DLG2: variants seen among roughly 807,000 people sequenced by gnomAD.
DLG2 encodes discs large MAGUK scaffold protein 2, also known as disks large homolog 2.
In DLG2, 45 loss-of-function variants were observed where a neutral mutation model predicts 132.5. The ratio of observed to expected loss-of-function variants is 0.34; its 90% CI spans 0.27 to 0.44. The LOEUF (loss-of-function observed/expected upper bound fraction) is 0.44. DLG2 is among the 20% of genes least tolerant of loss of function. The pLI is 1.00. For synonymous variants in DLG2, 424 were observed against 419.6 expected (o/e 1.01, Z -0.13); for missense variants, 1,045 against 1,196.9 (o/e 0.87, Z 1.87).
intron 4 of DLG2, among the ~76,000 whole-genome samples, chr11:85,181,720 C>A (rs532254475): frequency 6.6e-6 from 1 of 151,868 alleles, no homozygotes; most frequent in South Asian, 2.1e-4. Flanking sequence ...CCACTTTCTA[C>A]ATGAAAGGAG....
intron 6 of DLG2, among the ~76,000 whole-genome samples, chr11:85,010,423 T>C (rs1239465082): frequency 1.3e-5 from 2 of 152,118 alleles, no homozygotes; most frequent in African/African-American, 2.4e-5. Context: ...TCCTGAAAGA[T>C]GTTCTCAGAG....
intron 6 of DLG2, among the ~76,000 whole-genome samples, chr11:84,736,906 G>A (rs575317322): frequency 6.6e-6 from 1 of 152,034 alleles, no homozygotes; most frequent in South Asian, 2.1e-4. Context: ...TTGCACAAAA[G>A]TAGTGAAAGT....
At chr11:83,964,561 G>A (rs764896612) in intron 13 of DLG2, among the ~76,000 whole-genome samples, 5 of 151,982 alleles carry the variant, frequency 3.3e-5, no homozygotes, top group Non-Finnish European at 7.4e-5. Context: ...TTCAGAATGA[G>A]CAAGCTTACT....
chr11:85,302,819 A>G (rs886747173), intron 3 of DLG2, among the ~76,000 whole-genome samples: 1 of 151,882 alleles, frequency 6.6e-6, no homozygotes, highest in African/African-American at 2.4e-5. Context: ...AACAATAACA[A>G]GAACAATCAT....
chr11:84,412,048 G>T (rs1042255871), intron 7 of DLG2, among the ~76,000 whole-genome samples: 2 of 150,822 alleles, frequency 1.3e-5, no homozygotes, highest in Admixed American at 1.3e-4. Context: ...GCGAACCCAA[G>T]CTCCTACATC....
chr11:84,059,217 T>C, intron 11 of DLG2, 98 bp downstream of exon 11: 1 of 1,197,880 alleles, frequency 8.3e-7, no homozygotes, highest in Admixed American at 2.1e-5. Flanking sequence ...AAGCACTGAA[T>C]GTCAGAGGTT....
chr11:85,603,136 C>T (rs2080285828), intron 2 of DLG2, among the ~76,000 whole-genome samples: 1 of 152,170 alleles, frequency 6.6e-6, no homozygotes, highest in Admixed American at 6.5e-5. Flanking sequence ...TAAATGTGTG[C>T]TAATATATTT....
Position 84,334,901 on chromosome 11 carries a change from T to C in DLG2, c.520-83610A>G, listed in dbSNP as rs187587469. Reference sequence around the variant, plus strand: ...CTGAGAAAGCTGATGTCTATGAAAGTAAAATCTATTCCACTCTAGATCAAC... The same window carrying C: ...CTGAGAAAGCTGATGTCTATGAAAGCAAAATCTATTCCACTCTAGATCAAC... On this transcript the variant is annotated intron_variant, in intron 7 of 27. Transcript: ENST00000376104. Among the ~76,000 whole-genome samples the C allele has an allele frequency of 2.0e-3, 301 of 152,202 alleles. 2 individuals are homozygous for C. The highest frequency in any genetic ancestry group is 6.9e-3 in the African/African-American group (286 of 41,522).
intron 6 of DLG2, among the ~76,000 whole-genome samples, chr11:84,675,981 G>C (rs951214644): frequency 6.6e-6 from 1 of 151,936 alleles, no homozygotes; most frequent in African/African-American, 2.4e-5. Context: ...TCTCTATCCA[G>C]ATAGAGTAAT....
At chr11:84,105,840 C>A (rs914095552) in intron 9 of DLG2, among the ~76,000 whole-genome samples, 1 of 152,116 alleles carries the variant, frequency 6.6e-6, no homozygotes, top group African/African-American at 2.4e-5. Flanking sequence ...CTATCTGTTC[C>A]TTTTGCTACT....
chr11:84,527,481 A>G (rs770043540), intron 7 of DLG2, among the ~76,000 whole-genome samples: 59 of 152,288 alleles, frequency 3.9e-4, no homozygotes, highest in Admixed American at 9.2e-4. Context: ...ATACTCAACA[A>G]GTGCCCAGTT....
At position 84,476,454 on chromosome 11, in the gene DLG2, A is replaced by C. The variant is rs1222412286; in HGVS notation, c.519+58116T>G. On this transcript the variant is annotated intron_variant, in intron 7 of 27. Transcript: ENST00000376104. ...AACAAAATCCAAGCTCAGAAAAATT[A>C]GAGATTAAGAAATCCAAGCTCAGAA... 2.0e-5 allele frequency among the ~76,000 whole-genome samples: 3 copies of C among 152,182 alleles called. No homozygotes were observed. In the East Asian group the frequency reaches 5.8e-4, roughly 29 times the overall value.
chr11:84,026,837 T>C (rs1180787930), intron 11 of DLG2, among the ~76,000 whole-genome samples: 1 of 152,092 alleles, frequency 6.6e-6, no homozygotes, highest in Non-Finnish European at 1.5e-5. Flanking sequence ...TTGGGAAAAT[T>C]GTTAAATCTT....
intron 6 of DLG2, among the ~76,000 whole-genome samples, chr11:85,012,741 C>T (rs903506583): frequency 6.6e-6 from 1 of 152,030 alleles, no homozygotes; most frequent in Admixed American, 6.6e-5. Flanking sequence ...TAATATAGGA[C>T]TCCATTTACT....
chr11:84,731,176 T>G (rs1368154909), intron 6 of DLG2, among the ~76,000 whole-genome samples: 1 of 152,140 alleles, frequency 6.6e-6, no homozygotes, highest in Non-Finnish European at 1.5e-5. Flanking sequence ...GCATTGTATT[T>G]GCTTTAGTTA....
chr11:85,268,350 G>A (rs929619435), intron 4 of DLG2, among the ~76,000 whole-genome samples: 1 of 152,150 alleles, frequency 6.6e-6, no homozygotes, highest in Admixed American at 6.5e-5. Flanking sequence ...TGACCTGGAA[G>A]TCCCCTCCCC....
intron 21 of DLG2, chr11:83,486,094 T>A (rs1334414282): frequency 1.4e-5 from 8 of 560,838 alleles, no homozygotes; most frequent in Admixed American, 3.4e-5. Context: ...AGTTTTATCA[T>A]CAATTGTAAT....
intron 6 of DLG2, among the ~76,000 whole-genome samples, chr11:84,544,132 A>G (rs1048703193): frequency 6.6e-6 from 1 of 152,224 alleles, no homozygotes; most frequent in African/African-American, 2.4e-5. Flanking sequence ...GATATTGGAA[A>G]TGTAGCCTGG....
At chr11:85,159,965 G>A (rs1432977079) in intron 4 of DLG2, among the ~76,000 whole-genome samples, 1 of 152,174 alleles carries the variant, frequency 6.6e-6, no homozygotes, top group Non-Finnish European at 1.5e-5. Context: ...ACTTATTGGT[G>A]AGACATTTGC....
Sources: gnomAD v4.1 joint callset for allele counts (sites outside exome capture counted in the v4.1 genomes callset) on GRCh38, gnomAD v4.1.1 for gene constraint, MANE v1.5 for transcripts, NCBI Gene and HGNC (gene_info 2026-07-23, HGNC 2026-07-21) for gene names.